DLGAP2: variants seen among roughly 807,000 people sequenced by gnomAD.
DLGAP2 encodes the protein disks large-associated protein 2.
DLGAP2 carries 26 observed loss-of-function variants against 100.3 expected under a neutral mutation model. That is an observed-to-expected ratio of 0.26 (90% CI 0.19 to 0.36). The LOEUF (loss-of-function observed/expected upper bound fraction) is 0.36, where lower values mean the gene tolerates loss of function less well. DLGAP2 is among the 10% of genes least tolerant of loss of function. DLGAP2 has a pLI of 1.00. For synonymous variants in DLGAP2, 886 were observed against 630.1 expected, an observed-to-expected ratio of 1.41 and a Z score of -6.08; for missense variants, 1,858 against 1,453.2, an observed-to-expected ratio of 1.28 and a Z score of -4.53.
intron 7 of DLGAP2, among the ~76,000 whole-genome samples, chr8:1,629,723 T>G (rs1273509809): frequency 6.6e-6 from 1 of 152,266 alleles, no homozygotes; most frequent in Admixed American, 6.5e-5. Flanking sequence ...ACAAAAGGTT[T>G]AAACAGAAGT....
intron 1 of DLGAP2, among the ~76,000 whole-genome samples, chr8:868,184 A>T (rs1486323443): frequency 6.6e-6 from 1 of 152,212 alleles, no homozygotes; most frequent in African/African-American, 2.4e-5. Context: ...AGGGTTTATG[A>T]GAGGAAGAAG....
rs905918551 is a variant in DLGAP2 at position 1,577,077 on chromosome 8, G to A, written c.1442+11183G>A. Among the ~76,000 whole-genome samples, 3 of 152,124 alleles carry A rather than the reference G, an allele frequency of 2.0e-5. No individual in the cohort carries two copies. The East Asian group carries it at 5.8e-4, about 29-fold the overall frequency. The stretch of plus-strand genomic sequence containing the variant: ...TATTCTTCATGTTTTTAGATCAGTA[G>A]CACACTGAATACTGCAAGTAAATGA... On this transcript the variant is annotated intron_variant, in intron 6 of 14. Transcript: ENST00000637795.
intron 2 of DLGAP2, among the ~76,000 whole-genome samples, chr8:1,000,131 G>C (rs1167141500): frequency 4.1e-5 from 6 of 147,758 alleles, no homozygotes; most frequent in Non-Finnish European, 3.0e-5. Context: ...GATCCGGGTG[G>C]ACGTGGTTTT....
chr8:1,664,205 G>C (rs1474097889), intron 8 of DLGAP2, among the ~76,000 whole-genome samples: 1 of 152,164 alleles, frequency 6.6e-6, no homozygotes, highest in Non-Finnish European at 1.5e-5. Context: ...GACAGGCCGT[G>C]TCACCTGGCC....
intron 12 of DLGAP2, among the ~76,000 whole-genome samples, chr8:1,681,240 G>C (rs1585057909): frequency 6.6e-6 from 1 of 152,168 alleles, no homozygotes; most frequent in Non-Finnish European, 1.5e-5. Context: ...TGATAACACA[G>C]AGACTACTTC....
At chr8:1,572,664 A>G (rs1253386155) in intron 6 of DLGAP2, among the ~76,000 whole-genome samples, 308 of 72,304 alleles carry the variant, frequency 4.3e-3, no homozygotes, top group Middle Eastern at 0.038. Flanking sequence ...CTGGAGGGGC[A>G]TCTTCTGGGA....
intron 2 of DLGAP2, 41 bp downstream of exon 2, chr8:908,007 C>T (rs138894600): frequency 3.2e-4 from 128 of 398,766 alleles, no homozygotes; most frequent in African/African-American, 2.0e-3. Context: ...TTATATGTTT[C>T]GTATCAGTGG....
At chr8:1,200,332 C>T (rs1214691500) in intron 2 of DLGAP2, among the ~76,000 whole-genome samples, 3 of 152,186 alleles carry the variant, frequency 2.0e-5, no homozygotes, top group African/African-American at 7.2e-5. Flanking sequence ...AGCTCAGTCC[C>T]GTGGCCCCGG....
intron 1 of DLGAP2, among the ~76,000 whole-genome samples, chr8:852,220 TTC>T (rs1267509849): frequency 6.6e-6 from 1 of 152,116 alleles, no homozygotes; most frequent in African/African-American, 2.4e-5. Flanking sequence ...TCTCTCACCT[TTC>T]TCTGTCTTGG....
At chr8:1,202,380 A>G (rs1344476581) in intron 2 of DLGAP2, among the ~76,000 whole-genome samples, 1 of 151,884 alleles carries the variant, frequency 6.6e-6, no homozygotes, top group Non-Finnish European at 1.5e-5. Context: ...TGTGCTGTGC[A>G]GTGGACGTCC....
At chr8:1,585,558 T>G (rs1319367329) in intron 6 of DLGAP2, among the ~76,000 whole-genome samples, 1 of 152,206 alleles carries the variant, frequency 6.6e-6, no homozygotes. Flanking sequence ...GAAAAACACA[T>G]AATCCACAGA....
intron 4 of DLGAP2, among the ~76,000 whole-genome samples, chr8:1,513,826 C>G (rs1800265297): frequency 6.6e-6 from 1 of 151,742 alleles, no homozygotes; most frequent in African/African-American, 2.4e-5. Flanking sequence ...AGTCCAAGGT[C>G]CAACACGAAA....
intron 1 of DLGAP2, among the ~76,000 whole-genome samples, chr8:835,291 C>CTT (rs1437305941): frequency 3.9e-5 from 6 of 151,932 alleles, no homozygotes; most frequent in Non-Finnish European, 7.4e-5. Flanking sequence ...ATATTACCCA[C>CTT]TTCTATTCAA....
At chr8:1,046,074 A>G (rs1585010258) in intron 2 of DLGAP2, among the ~76,000 whole-genome samples, 1 of 152,202 alleles carries the variant, frequency 6.6e-6, no homozygotes, top group East Asian at 1.9e-4. Flanking sequence ...GAGTCACGGA[A>G]AGCAGCCCAG....
intron 3 of DLGAP2, among the ~76,000 whole-genome samples, chr8:1,389,431 T>A (rs910592416): frequency 6.6e-6 from 1 of 151,116 alleles, no homozygotes; most frequent in East Asian, 1.9e-4. Context: ...AACACGGGAG[T>A]TGACAAGGGG....
intron 1 of DLGAP2, among the ~76,000 whole-genome samples, chr8:787,831 C>T (rs1821914549): frequency 2.6e-5 from 4 of 152,222 alleles, no homozygotes; most frequent in Admixed American, 2.6e-4. Context: ...TGGGTTTGGG[C>T]TCGCTCAGCA....
intron 1 of DLGAP2, among the ~76,000 whole-genome samples, chr8:880,733 TG>T (rs1466122690): frequency 6.6e-6 from 1 of 152,262 alleles, no homozygotes; most frequent in Non-Finnish European, 1.5e-5. Context: ...GTATCTGTGC[TG>T]GGGAGACTTT....
At chr8:1,426,759 AC>A (rs746256288) in intron 3 of DLGAP2, among the ~76,000 whole-genome samples, 30 of 152,234 alleles carry the variant, frequency 2.0e-4, no homozygotes, top group Non-Finnish European at 3.7e-4. Context: ...TATGGCTTCC[AC>A]GTCTTGAAGA....
chr8:918,459 G>T (rs1205856170), intron 2 of DLGAP2, among the ~76,000 whole-genome samples: 1 of 152,102 alleles, frequency 6.6e-6, no homozygotes, highest in Non-Finnish European at 1.5e-5. Flanking sequence ...TGTGTAGACT[G>T]GGTACAGTGT....
Sources: gnomAD v4.1 joint callset for allele counts (sites outside exome capture counted in the v4.1 genomes callset) on GRCh38, gnomAD v4.1.1 for gene constraint, MANE v1.5 for transcripts, NCBI Gene and HGNC (gene_info 2026-07-23, HGNC 2026-07-21) for gene names.